CLNK: variants seen among roughly 807,000 people sequenced by gnomAD.
The protein encoded by CLNK is cytokine dependent hematopoietic cell linker, also known as cytokine-dependent hematopoietic cell linker.
Under a neutral mutation model 68.6 loss-of-function variants are expected in CLNK, and 74 were observed. The observed-to-expected ratio is 1.08, with a 90% CI of 0.89 to 1.31. CLNK has a LOEUF of 1.31. CLNK is among the 50% of genes most tolerant of loss of function. The pLI, the probability that CLNK is intolerant of heterozygous loss-of-function variation, is 0.00. For synonymous variants in CLNK, 198 were observed against 172.2 expected (o/e 1.15, Z -1.17); for missense variants, 553 against 515.3 (o/e 1.07, Z -0.71).
the CLNK span, among the ~76,000 whole-genome samples, chr4:10,709,870 A>G: frequency 6.6e-6 from 1 of 152,116 alleles, no homozygotes; most frequent in Non-Finnish European, 1.5e-5. Context: ...GCCATCCAAG[A>G]TCACCCCATC....
the CLNK span, among the ~76,000 whole-genome samples, chr4:10,701,650 G>A: frequency 2.0e-5 from 3 of 152,174 alleles, no homozygotes; most frequent in Non-Finnish European, 2.9e-5. Context: ...CTTGCCACAC[G>A]CCACCATAGA....
chr4:10,696,570 A>G, the CLNK span, among the ~76,000 whole-genome samples: 1 of 152,198 alleles, frequency 6.6e-6, no homozygotes, highest in Non-Finnish European at 1.5e-5. Flanking sequence ...TTTGTCCTCC[A>G]GAGAAACTCC....
chr4:10,655,929 G>A (rs1369000669), intron 2 of CLNK, among the ~76,000 whole-genome samples: 5 of 152,004 alleles, frequency 3.3e-5, no homozygotes, highest in African/African-American at 4.8e-5. Context: ...GATTACAGGC[G>A]TGAGCCACTG....
chr4:10,718,062 A>G, the CLNK span, among the ~76,000 whole-genome samples: 4 of 152,200 alleles, frequency 2.6e-5, no homozygotes, highest in African/African-American at 9.7e-5. Context: ...TGAAAATACA[A>G]TAACCAAAAT....
At chr4:10,621,972 T>C (rs1722477190) in intron 2 of CLNK, among the ~76,000 whole-genome samples, 1 of 152,208 alleles carries the variant, frequency 6.6e-6, no homozygotes, top group Admixed American at 6.5e-5. Flanking sequence ...TAAGTGGTTG[T>C]CAAATCACTC....
intron 7 of CLNK, among the ~76,000 whole-genome samples, chr4:10,562,101 C>CTTTTT (rs11345903): frequency 3.1e-5 from 4 of 129,286 alleles, no homozygotes; most frequent in Non-Finnish European, 6.4e-5. Flanking sequence ...TTTTTCTTTT[C>CTTTTT]TTTTTTTTTT....
chr4:10,600,286 G>C (rs926333357), intron 2 of CLNK, among the ~76,000 whole-genome samples: 3 of 152,088 alleles, frequency 2.0e-5, no homozygotes, highest in Non-Finnish European at 4.4e-5. Flanking sequence ...CTTCCGCTTT[G>C]AGTCCCTCTG....
chr4:10,654,405 A>ATATATATATATATATATATAT (rs1367370247), intron 2 of CLNK, among the ~76,000 whole-genome samples: 32 of 116,992 alleles, frequency 2.7e-4, no homozygotes, highest in Non-Finnish European at 3.7e-4. Flanking sequence ...ATATATATAG[A>ATATATATATATATATATATAT]AAGTCTCTTG....
At chr4:10,562,652 C>T (rs917884618) in intron 7 of CLNK, among the ~76,000 whole-genome samples, 1 of 152,204 alleles carries the variant, frequency 6.6e-6, no homozygotes, top group African/African-American at 2.4e-5. Flanking sequence ...GATCTGCCTA[C>T]TTCAGACTCC....
chr4:10,631,260 G>T (rs1484258320), intron 2 of CLNK, among the ~76,000 whole-genome samples: 1 of 152,178 alleles, frequency 6.6e-6, no homozygotes, highest in African/African-American at 2.4e-5. Flanking sequence ...AAGTGTCTAA[G>T]GTATGTGTCC....
chr4:10,574,634 G>A (rs1241895773), intron 4 of CLNK, among the ~76,000 whole-genome samples: 1 of 151,992 alleles, frequency 6.6e-6, no homozygotes, highest in African/African-American at 2.4e-5. Flanking sequence ...TTTAAGGGAG[G>A]AGACCACCCC....
At position 10,598,697 on chromosome 4, in the gene CLNK, T is replaced by C; in HGVS notation, c.12-648A>G. 12 of 442,882 alleles carry C rather than the reference T, an allele frequency of 2.7e-5. 1 individual carries two copies. In the Middle Eastern group the frequency reaches 3.9e-3, roughly 146 times the overall value. The allele number at this position is 442,882 out of a possible 1,614,324, so 27.4% of individuals were successfully genotyped here. On this transcript the variant is annotated intron_variant, in intron 2 of 18. Coordinates refer to ENST00000226951, the MANE Select transcript of CLNK (RefSeq NM_052964.4). ...TAACATTCATTAAATACATTCACTGTCATAAAGCATCATTGTTATGCATTC... is the reference window on the plus strand; with the variant it reads ...TAACATTCATTAAATACATTCACTGCCATAAAGCATCATTGTTATGCATTC...
intron 14 of CLNK, among the ~76,000 whole-genome samples, chr4:10,522,322 C>CTGG (rs1718112852): frequency 2.7e-5 from 4 of 149,976 alleles, no homozygotes; most frequent in African/African-American, 9.8e-5. Flanking sequence ...ACCTGTAATC[C>CTGG]CAACACTTTG....
rs1716413149 is a variant in CLNK, at chr4:10,487,723, T to A, written c.*2744A>T. 6.6e-6 allele frequency: 1 copy of A among 152,012 alleles called. No homozygotes were observed. Among genetic ancestry groups the A allele is most frequent in the African/African-American group, 2.4e-5 (1 of 41,380 alleles). The allele number at this position is 152,012 out of a possible 1,614,324, so 9.4% of individuals were successfully genotyped here. A position where few individuals can be genotyped will look rare whatever the true frequency, so the allele number is the denominator to read the frequency against. ...GACATTACTGCCCAGCATAACACTG[T>A]CTCCTCTCTGGGCAAACTTTGCTTT... is the stretch of plus-strand genomic sequence containing the variant. On this transcript the variant is annotated 3_prime_UTR_variant, in exon 19 of 19. Coordinates refer to ENST00000226951, the MANE Select transcript of CLNK (RefSeq NM_052964.4).
chr4:10,629,258 C>T (rs566662906), intron 2 of CLNK, among the ~76,000 whole-genome samples: 3 of 152,168 alleles, frequency 2.0e-5, no homozygotes, highest in Non-Finnish European at 4.4e-5. Context: ...GTTGATTTAT[C>T]GTGAAACTTC....
the CLNK span, among the ~76,000 whole-genome samples, chr4:10,694,192 AC>A: frequency 6.6e-6 from 1 of 151,492 alleles, no homozygotes; most frequent in East Asian, 1.9e-4. Context: ...AGCCAAATAT[AC>A]CGCCTCTTTT....
intron 4 of CLNK, among the ~76,000 whole-genome samples, chr4:10,579,255 A>G (rs1032638651): frequency 4.6e-5 from 7 of 152,184 alleles, no homozygotes; most frequent in African/African-American, 1.7e-4. Context: ...GCATCGATCT[A>G]TATCTGTGGG....
At chr4:10,513,327 A>T in intron 16 of CLNK, 137 bp downstream of exon 16, 1 of 667,878 alleles carries the variant, frequency 1.5e-6, no homozygotes, top group Non-Finnish European at 2.4e-6. Flanking sequence ...TAAAAATATT[A>T]AAACCCAGTA....
rs1205369215 is a variant in CLNK, at chr4:10,486,688, A to ACAGGCGCACACAGGCT, written c.*3778_*3779insAGCCTGTGTGCGCCTG. 1 of 152,190 alleles carries ACAGGCGCACACAGGCT rather than the reference A, an allele frequency of 6.6e-6. No homozygotes were observed. Among genetic ancestry groups the ACAGGCGCACACAGGCT allele is most frequent in the Non-Finnish European group, 1.5e-5 (1 of 68,038 alleles). The allele number at this position is 152,190 out of a possible 1,614,324, so 9.4% of individuals were successfully genotyped here. ...CACACACACACACACGCACACAGGC[A>ACAGGCGCACACAGGCT]CAGGCACACACATGCACACCCCACA... On this transcript the variant is annotated 3_prime_UTR_variant, in exon 19 of 19. Transcript: ENST00000226951.
Sources: allele counts gnomAD v4.1 joint callset (sites outside exome capture counted in the v4.1 genomes callset), GRCh38; gene constraint gnomAD v4.1.1; transcripts MANE v1.5; gene names NCBI Gene and HGNC (gene_info 2026-07-23, HGNC 2026-07-21).